MACROD1: variants seen among roughly 807,000 people sequenced by gnomAD.
The protein encoded by MACROD1 is mono-ADP ribosylhydrolase 1, also known as ADP-ribose glycohydrolase MACROD1.
In MACROD1, 31 loss-of-function variants were observed where a neutral mutation model predicts 41.4. That is an observed-to-expected ratio of 0.75 (90% confidence interval 0.56 to 1.01). The LOEUF (loss-of-function observed/expected upper bound fraction) is 1.01, where lower values mean the gene tolerates loss of function less well. MACROD1 is among the 50% of genes least tolerant of loss of function. The pLI, the probability that MACROD1 is intolerant of heterozygous loss-of-function variation, is 0.00. For missense variants in MACROD1, 473 were observed against 460.0 expected (o/e 1.03, Z -0.26); for synonymous variants, 252 against 203.4 (o/e 1.24, Z -2.03).
At chr11:64,074,947 C>T (rs1335678195) in intron 3 of MACROD1, among the ~76,000 whole-genome samples, 2 of 152,178 alleles carry the variant, frequency 1.3e-5, no homozygotes, top group Non-Finnish European at 2.9e-5. Flanking sequence ...GGGTCACTTC[C>T]CATTAAATCA....
At chr11:64,071,105 G>A (rs965094653) in intron 3 of MACROD1, among the ~76,000 whole-genome samples, 1 of 152,118 alleles carries the variant, frequency 6.6e-6, no homozygotes, top group Non-Finnish European at 1.5e-5. Context: ...ACCTGGGGTG[G>A]CTTTTTGCCT....
At chr11:64,097,071 C>G (rs1170485144) in intron 3 of MACROD1, among the ~76,000 whole-genome samples, 1 of 152,270 alleles carries the variant, frequency 6.6e-6, no homozygotes. Context: ...CTCCCTGCTG[C>G]CCGGGGATGG....
intron 3 of MACROD1, chr11:64,116,672 G>A (rs1944987963): frequency 6.2e-7 from 1 of 1,613,854 alleles, no homozygotes; most frequent in South Asian, 1.1e-5. Flanking sequence ...TGCACCTGCA[G>A]GACAACAATG....
At chr11:64,161,039 C>T (rs1436265166) in intron 1 of MACROD1, among the ~76,000 whole-genome samples, 4 of 151,840 alleles carry the variant, frequency 2.6e-5, no homozygotes, top group Non-Finnish European at 4.4e-5. Context: ...GGCGTGGTGG[C>T]GGGTGCCTGT....
Position 64,152,320 on chromosome 11 carries a change from C to A in MACROD1, c.372G>T (p.Lys124Asn). 1 of 1,614,240 alleles carries A rather than the reference C, an allele frequency of 6.2e-7. No individual in the cohort carries two copies. Among genetic ancestry groups the A allele is most frequent in the South Asian group, 1.1e-5 (1 of 91,092 alleles). The change falls in exon 2 of 11, where the codon AAG becomes AAT. Residue 124 changes from lysine to asparagine, a missense_variant. By Grantham distance (94) the Lys-to-Asn change is moderately conservative. Coordinates refer to ENST00000255681, the MANE Select transcript of MACROD1 (RefSeq NM_014067.4). ...YFCKDFVRLK[K>N]IPTWKEMAKG... ...TCGCCATCTCCTTCCATGTCGGGAT[C>A]TTCTTCAGCCTGACAAAGTCCTTGC...
At chr11:64,147,233 CTT>C (rs1478181088) in intron 3 of MACROD1, among the ~76,000 whole-genome samples, 1 of 151,264 alleles carries the variant, frequency 6.6e-6, no homozygotes, top group Non-Finnish European at 1.5e-5. Context: ...CCCTACTAAT[CTT>C]TTTTAATTTT....
chr11:64,012,276 A>G (rs61884695), intron 4 of MACROD1, among the ~76,000 whole-genome samples: 4,044 of 152,344 alleles, frequency 0.027, 63 homozygotes, highest in Non-Finnish European at 0.04. Context: ...GTGAGGTCAC[A>G]GGCCATCTGT....
Position 64,165,862 on chromosome 11 carries a change from G to T in MACROD1, c.133C>A (p.Pro45Thr). 6.9e-7 allele frequency: 1 copy of T among 1,454,906 alleles called. No individual in the cohort carries two copies. The highest frequency in any genetic ancestry group is 9.0e-7 in the Non-Finnish European group (1 of 1,105,052). 90.1% of individuals were successfully genotyped at this position (1,454,906 alleles called of 1,614,324 possible). The change falls in exon 1 of 11, where the codon CCG becomes ACG. Residue 45 changes from proline to threonine, a missense_variant. By Grantham distance (38) the Pro-to-Thr change is conservative. Coordinates refer to ENST00000255681, the MANE Select transcript of MACROD1 (RefSeq NM_014067.4). The stretch of plus-strand genomic sequence containing the variant: ...CGGCCGAACACGCCCAGGAACGCCG[G>T]GGGACCGCACGTGCTGCTGCGGGTC... ...TRTRSSTCGP[P>T]AFLGVFGRRA...
intron 3 of MACROD1, among the ~76,000 whole-genome samples, chr11:64,073,643 G>A (rs1010806202): frequency 2.0e-5 from 3 of 152,224 alleles, no homozygotes; most frequent in South Asian, 2.1e-4. Context: ...GCACATGTAC[G>A]TCTGGGCCGG....
chr11:64,004,250 TG>T (rs1243429132), intron 4 of MACROD1, among the ~76,000 whole-genome samples: 11 of 152,144 alleles, frequency 7.2e-5, no homozygotes, highest in Non-Finnish European at 5.9e-5. Flanking sequence ...CCCATGGCCC[TG>T]GGCATTCCTG....
chr11:64,065,661 C>G (rs891533099), intron 3 of MACROD1, among the ~76,000 whole-genome samples: 14 of 152,066 alleles, frequency 9.2e-5, no homozygotes, highest in South Asian at 4.2e-4. Context: ...ATGGTGGCGG[C>G]CGCCTGTAGT....
rs1944025161 is a variant in MACROD1, at chr11:64,067,436, CCAGGTGACAGCCAGCACAGA to C, written c.518-52175_518-52156del. On this transcript the variant is annotated intron_variant, in intron 3 of 10. Coordinates refer to ENST00000255681, the MANE Select transcript of MACROD1 (RefSeq NM_014067.4). The surrounding 1 kb of genome is among the most constrained non-coding windows in gnomAD (Gnocchi z 4.6). ...TCAGCTCACAAATCATGCCCCCGGC[CCAGGTGACAGCCAGCACAGA>C]CGCCCAGCTCAGATAACAGAAGGGA... Among the ~76,000 whole-genome samples, 1 of 152,172 alleles carries C rather than the reference CCAGGTGACAGCCAGCACAGA, an allele frequency of 6.6e-6. No individual in the cohort carries two copies. Among genetic ancestry groups the C allele is most frequent in the African/African-American group, 2.4e-5 (1 of 41,428 alleles).
chr11:64,161,830 G>A (rs1196751674), intron 1 of MACROD1, among the ~76,000 whole-genome samples: 1 of 109,422 alleles, frequency 9.1e-6, no homozygotes, highest in African/African-American at 3.7e-5. Context: ...AGCACTTTGG[G>A]AGGCCGAGGT....
chr11:64,142,026 A>G (rs1397751673), intron 3 of MACROD1, among the ~76,000 whole-genome samples: 1 of 152,206 alleles, frequency 6.6e-6, no homozygotes, highest in Non-Finnish European at 1.5e-5. Flanking sequence ...TTGTACCTCC[A>G]GCACCTCAAA....
chr11:64,032,047 G>A (rs1425431854), intron 3 of MACROD1, among the ~76,000 whole-genome samples: 1 of 152,168 alleles, frequency 6.6e-6, no homozygotes, highest in African/African-American at 2.4e-5. Context: ...GCCCTGGGAT[G>A]GCTTCATGCC....
intron 3 of MACROD1, among the ~76,000 whole-genome samples, chr11:64,137,847 C>T (rs1392979955): frequency 6.6e-6 from 1 of 152,202 alleles, no homozygotes; most frequent in Non-Finnish European, 1.5e-5. Flanking sequence ...AGGAGATACC[C>T]AGCTCAGCAT....
At chr11:64,108,581 C>T (rs1248081958) in intron 3 of MACROD1, among the ~76,000 whole-genome samples, 1 of 152,226 alleles carries the variant, frequency 6.6e-6, no homozygotes, top group Non-Finnish European at 1.5e-5. Flanking sequence ...TTTGCTGAAG[C>T]CCCATCACAG....
At chr11:64,101,674 G>C (rs1275442712) in intron 3 of MACROD1, among the ~76,000 whole-genome samples, 2 of 152,162 alleles carry the variant, frequency 1.3e-5, no homozygotes. Flanking sequence ...AGCAATAAGG[G>C]CTCGTGCTAG....
At chr11:64,032,204 GGGT>G (rs1461278839) in intron 3 of MACROD1, among the ~76,000 whole-genome samples, 1 of 152,178 alleles carries the variant, frequency 6.6e-6, no homozygotes, top group African/African-American at 2.4e-5. Flanking sequence ...GTGAAGCCAG[GGGT>G]GGCCCAGCTT....
Sources: gnomAD v4.1 joint callset for allele counts (sites outside exome capture counted in the v4.1 genomes callset) on GRCh38, gnomAD v4.1.1 for gene constraint, Gnocchi (gnomAD v3.1) non-coding constraint, MANE v1.5 for transcripts, NCBI Gene and HGNC (gene_info 2026-07-23, HGNC 2026-07-21) for gene names.